The following SYT14 variants were observed in gnomAD, a reference collection of about 807,000 sequenced individuals.
SYT14 encodes synaptotagmin 14.
A neutral mutation model predicts 74.2 loss-of-function variants in SYT14; 32 were observed. That is an observed-to-expected ratio of 0.43 (90% CI 0.33 to 0.58). The LOEUF (loss-of-function observed/expected upper bound fraction) is 0.58, where lower values mean the gene tolerates loss of function less well. Among genes scored for constraint, SYT14 ranks in the 20% least tolerant of loss-of-function variants. The pLI, the probability that SYT14 is intolerant of heterozygous loss-of-function variation, is 0.05. For missense variants in SYT14, 791 were observed against 981.8 expected, an observed-to-expected ratio of 0.81 and a Z score of 2.60; for synonymous variants, 298 against 337.7, an observed-to-expected ratio of 0.88 and a Z score of 1.29.
intron 5 of SYT14, among the ~76,000 whole-genome samples, chr1:210,026,274 A>C (rs1572177652): frequency 6.6e-6 from 1 of 152,072 alleles, no homozygotes; most frequent in East Asian, 1.9e-4. Flanking sequence ...GGTCAGTGTC[A>C]AAATATGGTT....
intron 5 of SYT14, among the ~76,000 whole-genome samples, chr1:210,038,383 T>TA (rs756906057): frequency 7.2e-5 from 11 of 152,116 alleles, no homozygotes; most frequent in Non-Finnish European, 1.3e-4. Context: ...CTGCCAATGT[T>TA]TGTCTTTTAA....
chr1:209,997,585 A>G (rs1488404930), intron 2 of SYT14, among the ~76,000 whole-genome samples: 2 of 152,144 alleles, frequency 1.3e-5, no homozygotes, highest in Admixed American at 6.6e-5. Flanking sequence ...TAAACTACCA[A>G]TGTAATTCTT....
intron 7 of SYT14, among the ~76,000 whole-genome samples, chr1:210,124,244 G>GA (rs67430639): frequency 0.092 from 12,835 of 140,040 alleles, 1,306 homozygotes; most frequent in Admixed American, 0.25. Context: ...AGACAGAAAT[G>GA]AAAAAAAAAA....
At chr1:210,048,260 A>T (rs1283754595) in intron 5 of SYT14, among the ~76,000 whole-genome samples, 1 of 152,188 alleles carries the variant, frequency 6.6e-6, no homozygotes, top group African/African-American at 2.4e-5. Flanking sequence ...TGTTCACTCA[A>T]ACCGACTCCC....
intron 5 of SYT14, among the ~76,000 whole-genome samples, chr1:210,077,184 G>C (rs559016821): frequency 6.6e-6 from 1 of 152,166 alleles, no homozygotes; most frequent in Non-Finnish European, 1.5e-5. Flanking sequence ...TTTACCCATG[G>C]TGGAAGGCAA....
intron 2 of SYT14, among the ~76,000 whole-genome samples, chr1:209,953,831 C>G (rs1004068231): frequency 1.3e-5 from 2 of 152,094 alleles, no homozygotes; most frequent in East Asian, 3.9e-4. Context: ...TCTAGTACCA[C>G]AAAGGAGGAA....
chr1:210,072,150 T>TATATAC (rs1553274501), intron 5 of SYT14, among the ~76,000 whole-genome samples: 2 of 148,078 alleles, frequency 1.4e-5, no homozygotes, highest in East Asian at 1.9e-4. Context: ...TATATATATA[T>TATATAC]ACTATTTTTT....
At chr1:210,138,918 T>G (rs890774702) in intron 7 of SYT14, among the ~76,000 whole-genome samples, 4 of 152,162 alleles carry the variant, frequency 2.6e-5, no homozygotes, top group Non-Finnish European at 5.9e-5. Context: ...GGATGCAAAG[T>G]TAATATATGA....
At chr1:210,040,933 T>C (rs1213659259) in intron 5 of SYT14, among the ~76,000 whole-genome samples, 1 of 152,200 alleles carries the variant, frequency 6.6e-6, no homozygotes, top group East Asian at 1.9e-4. Flanking sequence ...TAGCTGGGCT[T>C]CCATGATCTC....
chr1:209,996,546 C>A (rs1364794942), intron 2 of SYT14, among the ~76,000 whole-genome samples: 1 of 152,016 alleles, frequency 6.6e-6, no homozygotes, highest in Non-Finnish European at 1.5e-5. Context: ...AAACTGGTGC[C>A]AATCCTACTG....
intron 5 of SYT14, among the ~76,000 whole-genome samples, chr1:210,033,450 T>A (rs1220820384): frequency 2.0e-5 from 3 of 151,816 alleles, no homozygotes; most frequent in Admixed American, 6.6e-5. Context: ...CTTTTTGAGA[T>A]TTCCTACCTT....
intron 5 of SYT14, among the ~76,000 whole-genome samples, chr1:210,043,156 G>A (rs965624997): frequency 6.6e-6 from 1 of 151,960 alleles, no homozygotes; most frequent in African/African-American, 2.4e-5. Context: ...TCTCTGCAGG[G>A]GCAGATTGTA....
intron 2 of SYT14, among the ~76,000 whole-genome samples, chr1:209,967,844 A>G (rs2079179071): frequency 6.6e-6 from 1 of 152,058 alleles, no homozygotes; most frequent in African/African-American, 2.4e-5. Flanking sequence ...CTCTTCTGCT[A>G]ACTTAGGGTT....
intron 2 of SYT14, among the ~76,000 whole-genome samples, chr1:209,967,351 G>C (rs2079172047): frequency 6.6e-6 from 1 of 152,048 alleles, no homozygotes; most frequent in Non-Finnish European, 1.5e-5. Flanking sequence ...CCCTCCTCTT[G>C]AATTTTGTGA....
At chr1:209,987,236 A>G (rs1465668760) in intron 2 of SYT14, among the ~76,000 whole-genome samples, 1 of 152,218 alleles carries the variant, frequency 6.6e-6, no homozygotes, top group Non-Finnish European at 1.5e-5. Flanking sequence ...AGATATCTTT[A>G]TAGCAGAGCC....
At chr1:210,059,750 C>T (rs897147179) in intron 5 of SYT14, among the ~76,000 whole-genome samples, 7 of 152,134 alleles carry the variant, frequency 4.6e-5, no homozygotes, top group African/African-American at 1.7e-4. Flanking sequence ...ATCTCCTTTT[C>T]TTATTGTGAG....
intron 5 of SYT14, among the ~76,000 whole-genome samples, chr1:210,029,539 T>C (rs2080483431): frequency 1.3e-5 from 2 of 152,196 alleles, no homozygotes; most frequent in Non-Finnish European, 2.9e-5. Flanking sequence ...CATTGTGTGG[T>C]CTTGGTCCCC....
intron 7 of SYT14, among the ~76,000 whole-genome samples, chr1:210,100,828 G>C (rs923201553): frequency 2.0e-5 from 3 of 152,030 alleles, no homozygotes; most frequent in African/African-American, 7.2e-5. Context: ...AATACATTAA[G>C]AAGTATCAGC....
chr1:210,058,133 A>G (rs1465643769), intron 5 of SYT14, among the ~76,000 whole-genome samples: 2 of 152,164 alleles, frequency 1.3e-5, no homozygotes, highest in Admixed American at 6.5e-5. Context: ...ATAAAGAGGT[A>G]ATAGTAATTC....
Sources: allele counts gnomAD v4.1 joint callset (sites outside exome capture counted in the v4.1 genomes callset), GRCh38; gene constraint gnomAD v4.1.1; transcripts MANE v1.5; gene names NCBI Gene and HGNC (gene_info 2026-07-23, HGNC 2026-07-21).